Variants in MGST1 observed in about 807,000 individuals in gnomAD.
MGST1 encodes microsomal glutathione S-transferase 1, also known as glutathione S-transferase 12.
In MGST1, 5 loss-of-function variants were observed where a neutral mutation model predicts 8.9. The ratio of observed to expected loss-of-function variants is 0.56; its 90% CI spans 0.29 to 1.19. The LOEUF (loss-of-function observed/expected upper bound fraction) is 1.19, where lower values mean the gene tolerates loss of function less well. MGST1 is among the 50% of genes most tolerant of loss of function. MGST1 has a pLI of 0.08. For synonymous variants in MGST1, 54 were observed against 67.8 expected, an observed-to-expected ratio of 0.80 and a Z score of 1.00; for missense variants, 182 against 187.4, an observed-to-expected ratio of 0.97 and a Z score of 0.17.
intron 4 of MGST1, among the ~76,000 whole-genome samples, chr12:16,459,905 C>A (rs1307659538): frequency 6.6e-6 from 1 of 151,978 alleles, no homozygotes; most frequent in African/African-American, 2.4e-5. Flanking sequence ...GGAATAATGA[C>A]CCACATAGAG....
At position 16,464,850 on chromosome 12, in the gene MGST1, C is replaced by CT. The variant is rs1467957022; in HGVS notation, n.482+81248dup. On this transcript the variant is annotated intron_variant and non_coding_transcript_variant, in intron 4 of 4. Coordinates refer to the MGST1 transcript ENST00000538857. ...CAAGCTTAAATAAATTTTTCAATAA[C>CT]TTATACACATAACGCCAGGGAAACT... is the stretch of plus-strand genomic sequence containing the variant. Among the ~76,000 whole-genome samples, 4 of 152,298 alleles carry CT rather than the reference C, an allele frequency of 2.6e-5. No individual in the cohort carries two copies. The East Asian group carries it at 5.8e-4, about 22-fold the overall frequency.
At chr12:16,472,126 A>T (rs1249597065) in intron 4 of MGST1, among the ~76,000 whole-genome samples, 1 of 152,108 alleles carries the variant, frequency 6.6e-6, no homozygotes, top group Non-Finnish European at 1.5e-5. Context: ...AATTATACCC[A>T]TTCTTCTATA....
downstream of MGST1, among the ~76,000 whole-genome samples, chr12:16,365,780 G>C (rs185052100): frequency 1.3e-5 from 2 of 151,378 alleles, no homozygotes; most frequent in East Asian, 3.9e-4. Context: ...CTGCTCTGGA[G>C]TTGGGCAACT....
At chr12:16,388,161 TG>T (rs755459438) in intron 1 of MGST1, among the ~76,000 whole-genome samples, 1 of 150,936 alleles carries the variant, frequency 6.6e-6, no homozygotes, top group East Asian at 2.0e-4. Flanking sequence ...TGACAAAAAC[TG>T]CAATTACTTT....
intron 1 of MGST1, among the ~76,000 whole-genome samples, chr12:16,431,929 T>A (rs1940942554): frequency 6.6e-6 from 1 of 152,214 alleles, no homozygotes; most frequent in Non-Finnish European, 1.5e-5. Context: ...ATCATATTTT[T>A]TCCCTAAAAT....
At chr12:16,379,450 T>G (rs1940428298), downstream of MGST1, among the ~76,000 whole-genome samples, 1 of 152,228 alleles carries the variant, frequency 6.6e-6, no homozygotes, top group African/African-American at 2.4e-5. Flanking sequence ...TGGATTACAT[T>G]TATTGATTTG....
At chr12:16,381,948 A>C (rs1940456977), downstream of MGST1, among the ~76,000 whole-genome samples, 1 of 152,146 alleles carries the variant, frequency 6.6e-6, no homozygotes, top group Admixed American at 6.5e-5. Flanking sequence ...AGGCTTCTGC[A>C]TTCTTCACAT....
At chr12:16,431,595 C>A (rs1039169463) in intron 1 of MGST1, among the ~76,000 whole-genome samples, 14 of 152,034 alleles carry the variant, frequency 9.2e-5, no homozygotes, top group Non-Finnish European at 1.2e-4. Flanking sequence ...CCACAGTACA[C>A]CATCTTGTAT....
chr12:16,540,669 G>A (rs761675656), intron 4 of MGST1, among the ~76,000 whole-genome samples: 12 of 152,174 alleles, frequency 7.9e-5, no homozygotes, highest in Non-Finnish European at 1.5e-4. Context: ...GGTGGCTCAC[G>A]CCTGTAATGC....
At chr12:16,435,044 T>C (rs905940136) in intron 1 of MGST1, among the ~76,000 whole-genome samples, 2 of 152,012 alleles carry the variant, frequency 1.3e-5, no homozygotes, top group Non-Finnish European at 2.9e-5. Flanking sequence ...ATATTCATCT[T>C]TTAAACAAGA....
rs147394980 is a variant in MGST1 at position 16,524,676 on chromosome 12, T to G, written n.483-64852T>G. Among the ~76,000 whole-genome samples, 118 of 152,182 alleles carry G rather than the reference T, an allele frequency of 7.8e-4. 1 individual carries two copies. Among genetic ancestry groups the G allele is most frequent in the South Asian group, 7.7e-3 (37 of 4,822 alleles). ...GTCACTTTGTTTGTTCAACCTAAAC[T>G]TCAAAGGTACTTTAACTCCAATGTT... On this transcript the variant is annotated intron_variant and non_coding_transcript_variant, in intron 4 of 4. Coordinates refer to the MGST1 transcript ENST00000538857.
downstream of MGST1, among the ~76,000 whole-genome samples, chr12:16,592,519 C>A (rs1943525634): frequency 6.6e-6 from 1 of 152,008 alleles, no homozygotes; most frequent in Non-Finnish European, 1.5e-5. Flanking sequence ...AAATAACCTG[C>A]TCATGGAAAC....
At chr12:16,545,013 A>C (rs1941815102) in intron 4 of MGST1, among the ~76,000 whole-genome samples, 1 of 152,210 alleles carries the variant, frequency 6.6e-6, no homozygotes, top group South Asian at 2.1e-4. Context: ...GAAAGATATA[A>C]AACAAATATA....
chr12:16,403,126 A>G (rs1591718444), intron 1 of MGST1, among the ~76,000 whole-genome samples: 2 of 152,164 alleles, frequency 1.3e-5, no homozygotes, highest in African/African-American at 4.8e-5. Flanking sequence ...TAAGACTGTA[A>G]GTTTCCAAGA....
chr12:16,432,888 C>G (rs1462820128), intron 1 of MGST1, among the ~76,000 whole-genome samples: 1 of 152,142 alleles, frequency 6.6e-6, no homozygotes, highest in Non-Finnish European at 1.5e-5. Flanking sequence ...GTGGGAATTT[C>G]AGGACAGTCA....
At chr12:16,533,088 A>T (rs1941732176) in intron 4 of MGST1, among the ~76,000 whole-genome samples, 1 of 152,170 alleles carries the variant, frequency 6.6e-6, no homozygotes, top group Admixed American at 6.5e-5. Flanking sequence ...AGTTGAGCTG[A>T]CTATACTTTC....
intron 4 of MGST1, among the ~76,000 whole-genome samples, chr12:16,489,627 A>C (rs886521225): frequency 2.0e-5 from 3 of 152,238 alleles, no homozygotes; most frequent in African/African-American, 7.2e-5. Context: ...TAATGCTTAC[A>C]ACAATGTTGT....
At chr12:16,415,408 A>T (rs1940779488) in intron 1 of MGST1, among the ~76,000 whole-genome samples, 1 of 152,136 alleles carries the variant, frequency 6.6e-6, no homozygotes, top group African/African-American at 2.4e-5. Flanking sequence ...AGTTTAAAAC[A>T]TGTGGGTCCA....
intron 1 of MGST1, among the ~76,000 whole-genome samples, chr12:16,426,318 G>T (rs1365992550): frequency 1.3e-5 from 2 of 152,128 alleles, no homozygotes; most frequent in African/African-American, 4.8e-5. Flanking sequence ...TGATTGGAAT[G>T]CTCATTCACT....
Sources: allele counts gnomAD v4.1 joint callset (sites outside exome capture counted in the v4.1 genomes callset), GRCh38; gene constraint gnomAD v4.1.1; transcripts MANE v1.5; gene names NCBI Gene and HGNC (gene_info 2026-07-23, HGNC 2026-07-21).